Variants in TMX2 observed in about 807,000 individuals in gnomAD.
TMX2 encodes the protein thioredoxin related transmembrane protein 2, also known as thioredoxin-related transmembrane protein 2.
Under a neutral mutation model 33.4 loss-of-function variants are expected in TMX2, and 20 were observed. The observed-to-expected ratio is 0.60, with a 90% CI of 0.42 to 0.87. The LOEUF (loss-of-function observed/expected upper bound fraction) is 0.87. Among genes scored for constraint, TMX2 ranks in the 40% least tolerant of loss-of-function variants. The pLI is 0.00. For synonymous variants in TMX2, 166 were observed against 140.7 expected, an observed-to-expected ratio of 1.18 and a Z score of -1.27; for missense variants, 340 against 370.7, an observed-to-expected ratio of 0.92 and a Z score of 0.68.
intron 1 of TMX2, among the ~76,000 whole-genome samples, chr11:57,731,629 A>G (rs1368923267): frequency 2.0e-5 from 3 of 152,010 alleles, no homozygotes; most frequent in Non-Finnish European, 4.4e-5. Context: ...TATTTTACAG[A>G]GTTTGACTCT....
intron 1 of TMX2, among the ~76,000 whole-genome samples, chr11:57,737,106 G>A (rs1948796516): frequency 6.6e-6 from 1 of 152,108 alleles, no homozygotes; most frequent in Non-Finnish European, 1.5e-5. Context: ...GTTCAGTTGA[G>A]GAAACCAAAG....
At chr11:57,724,948 G>A (rs1376668699) in intron 1 of TMX2, among the ~76,000 whole-genome samples, 1 of 150,374 alleles carries the variant, frequency 6.7e-6, no homozygotes, top group Non-Finnish European at 1.5e-5. Flanking sequence ...TGGGGCAGGA[G>A]AATCACTTTG....
rs560937758 is a variant in TMX2 at position 57,714,459 on chromosome 11, T to C, written c.189+1652T>C. Among the ~76,000 whole-genome samples the C allele has an allele frequency of 6.6e-5, 10 of 152,350 alleles. No homozygotes were observed. The South Asian group carries it at 1.9e-3, about 28-fold the overall frequency. ...GAGGGCAGTCAATTGGGAAGATTAATAGCAATCTATTTTCCTAGATTGTAG... is the reference window on the plus strand; with the variant it reads ...GAGGGCAGTCAATTGGGAAGATTAACAGCAATCTATTTTCCTAGATTGTAG... On this transcript the variant is annotated intron_variant, in intron 1 of 7. Coordinates refer to ENST00000278422, the MANE Select transcript of TMX2 (RefSeq NM_015959.4).
Position 57,740,383 on chromosome 11 carries a change from A to G in TMX2, c.*138A>G. 1 of 1,105,708 alleles carries G rather than the reference A, an allele frequency of 9.0e-7. No homozygotes were observed. The allele number at this position is 1,105,708 out of a possible 1,614,324, so 68.5% of individuals were successfully genotyped here. ...GGGCAGCATGCAGCTTCTGATTTTA[A>G]AGAGGCATCTAGGGAATTGTCAGGC... On this transcript the variant is annotated 3_prime_UTR_variant, in exon 8 of 8. Coordinates refer to ENST00000278422, the MANE Select transcript of TMX2 (RefSeq NM_015959.4).
intron 1 of TMX2, among the ~76,000 whole-genome samples, chr11:57,727,225 C>T (rs1274930651): frequency 2.0e-5 from 3 of 152,118 alleles, no homozygotes; most frequent in African/African-American, 7.2e-5. Flanking sequence ...TACATCAGGT[C>T]AGACCATGTC....
chr11:57,723,964 G>C (rs780534196), intron 1 of TMX2, among the ~76,000 whole-genome samples: 12 of 151,102 alleles, frequency 7.9e-5, no homozygotes, highest in Non-Finnish European at 1.5e-4. Context: ...CAAGAAAATA[G>C]TCAATATAGG....
At chr11:57,721,545 A>G (rs1010353084) in intron 1 of TMX2, among the ~76,000 whole-genome samples, 20 of 151,718 alleles carry the variant, frequency 1.3e-4, no homozygotes, top group African/African-American at 4.8e-4. Flanking sequence ...CAAGCTCCCA[A>G]TCTCAGGTGA....
At chr11:57,716,561 G>A (rs1947070329) in intron 1 of TMX2, among the ~76,000 whole-genome samples, 1 of 131,452 alleles carries the variant, frequency 7.6e-6, no homozygotes, top group African/African-American at 2.9e-5. Flanking sequence ...GGCTGGCCGG[G>A]CGGGGGGCTG....
intron 1 of TMX2, among the ~76,000 whole-genome samples, chr11:57,731,760 C>T (rs1338116657): frequency 3.3e-5 from 5 of 152,144 alleles, no homozygotes. Context: ...AAGGAAACCT[C>T]ATCTGGTTTT....
intron 1 of TMX2, among the ~76,000 whole-genome samples, chr11:57,722,157 G>A (rs1947676353): frequency 6.6e-6 from 1 of 151,936 alleles, no homozygotes; most frequent in South Asian, 2.1e-4. Flanking sequence ...CAACATACAT[G>A]CCCAGCTAAT....
intron 1 of TMX2, among the ~76,000 whole-genome samples, chr11:57,731,424 G>T (rs970390748): frequency 7.4e-6 from 1 of 135,738 alleles, no homozygotes; most frequent in South Asian, 2.3e-4. Flanking sequence ...GTGAGACACC[G>T]CACCCAGCCT....
chr11:57,718,621 C>T, intron 1 of TMX2: 1 of 427,196 alleles, frequency 2.3e-6, no homozygotes, highest in Non-Finnish European at 4.3e-6. Context: ...CATTGTTTTC[C>T]TCCATTCATT....
intron 1 of TMX2, among the ~76,000 whole-genome samples, chr11:57,716,738 C>T (rs1308442359): frequency 1.4e-5 from 2 of 142,848 alleles, no homozygotes; most frequent in Admixed American, 6.8e-5. Flanking sequence ...CCCTCCCGGA[C>T]GGGGTGGCTG....
chr11:57,728,446 C>T (rs187450432), intron 1 of TMX2, among the ~76,000 whole-genome samples: 1 of 152,176 alleles, frequency 6.6e-6, no homozygotes, highest in Admixed American at 6.5e-5. Context: ...AGGAGTTGCC[C>T]GAGACTGGAG....
At chr11:57,722,466 C>T (rs1446509904) in intron 1 of TMX2, among the ~76,000 whole-genome samples, 3 of 152,164 alleles carry the variant, frequency 2.0e-5, no homozygotes, top group Non-Finnish European at 4.4e-5. Flanking sequence ...TACTAATTAT[C>T]TAAAGTAAGG....
intron 1 of TMX2, chr11:57,718,485 G>T: frequency 1.1e-6 from 1 of 890,972 alleles, no homozygotes; most frequent in Admixed American, 1.7e-5. Flanking sequence ...ATGCGGCCCA[G>T]GGGCTCACCA....
At chr11:57,735,152 T>C (rs920367089) in intron 1 of TMX2, among the ~76,000 whole-genome samples, 1 of 151,988 alleles carries the variant, frequency 6.6e-6, no homozygotes, top group Non-Finnish European at 1.5e-5. Context: ...AAATCTTTCC[T>C]AATTTCTGCC....
At chr11:57,735,543 C>T (rs1010116355) in intron 1 of TMX2, among the ~76,000 whole-genome samples, 2 of 152,132 alleles carry the variant, frequency 1.3e-5, no homozygotes, top group African/African-American at 4.8e-5. Flanking sequence ...AAAGTTGCAA[C>T]CTGCTGGCTA....
At chr11:57,738,817 T>G in intron 5 of TMX2, 47 bp downstream of exon 5, 2 of 1,570,926 alleles carry the variant, frequency 1.3e-6, no homozygotes, top group Non-Finnish European at 8.8e-7. Flanking sequence ...ATGCTGTGCC[T>G]TCCCTCTCAC....
Sources: gnomAD v4.1 joint callset for allele counts (sites outside exome capture counted in the v4.1 genomes callset) on GRCh38, gnomAD v4.1.1 for gene constraint, MANE v1.5 for transcripts, NCBI Gene and HGNC (gene_info 2026-07-23, HGNC 2026-07-21) for gene names.